Variants in SLC44A1 observed in about 807,000 individuals in gnomAD.
SLC44A1 encodes solute carrier family 44 member 1, also known as choline transporter-like protein 1.
A neutral mutation model predicts 79.3 loss-of-function variants in SLC44A1; 26 were observed. The observed-to-expected ratio is 0.33, with a 90% CI of 0.24 to 0.46. The LOEUF (loss-of-function observed/expected upper bound fraction) is 0.46, where lower values mean the gene tolerates loss of function less well. SLC44A1 is among the 20% of genes least tolerant of loss of function. The pLI is 1.00. For synonymous variants in SLC44A1, 263 were observed against 286.2 expected (o/e 0.92, Z 0.82); for missense variants, 688 against 798.1 (o/e 0.86, Z 1.66).
chr9:105,426,927 T>C (rs1435439282), intron 15 of SLC44A1, among the ~76,000 whole-genome samples: 1 of 146,462 alleles, frequency 6.8e-6, no homozygotes, highest in Non-Finnish European at 1.5e-5. Flanking sequence ...TCTTCTGTTT[T>C]TCCTTTTCCT....
At chr9:105,419,001 G>A (rs530250091) in intron 15 of SLC44A1, among the ~76,000 whole-genome samples, 4 of 152,134 alleles carry the variant, frequency 2.6e-5, no homozygotes, top group Non-Finnish European at 5.9e-5. Flanking sequence ...TAACATCCTG[G>A]AAATGCCAAG....
intron 1 of SLC44A1, among the ~76,000 whole-genome samples, chr9:105,266,652 T>A (rs1350216062): frequency 6.6e-6 from 1 of 152,114 alleles, no homozygotes; most frequent in African/African-American, 2.4e-5. Flanking sequence ...CTGTTTGGTT[T>A]CATCCATTTG....
chr9:105,373,524 A>C lies in SLC44A1; in HGVS notation c.1495-1074A>C, dbSNP rs543420479. 2.6e-5 allele frequency among the ~76,000 whole-genome samples: 4 copies of C among 152,312 alleles called. 1 individual carries two copies. In the East Asian group the frequency reaches 5.8e-4, roughly 22 times the overall value. ...TCAGCTAGAACTCAGTATTTTAAGG[A>C]ACAGAAGGCTCAGCTCAATCTGACC... On this transcript the variant is annotated intron_variant, in intron 12 of 15. Coordinates refer to ENST00000374720, the MANE Select transcript of SLC44A1 (RefSeq NM_080546.5).
In SLC44A1 at chr9:105,430,950, A is replaced by G. The variant is rs545032152; in HGVS notation, c.1951-7331A>G. On this transcript the variant is annotated intron_variant, in intron 15 of 15. Coordinates refer to the SLC44A1 transcript ENST00000374724. ...ACAAGTGTAAGTTTCCATCTTTTTGATTATAGACATCCAGTGAGTGTGAAG... is the reference window on the plus strand; with the variant it reads ...ACAAGTGTAAGTTTCCATCTTTTTGGTTATAGACATCCAGTGAGTGTGAAG... Among the ~76,000 whole-genome samples the G allele has an allele frequency of 6.6e-5, 10 of 152,224 alleles. 1 individual carries two copies. The highest frequency in any genetic ancestry group is 2.2e-4 in the African/African-American group (9 of 41,530).
chr9:105,263,005 C>T (rs1040390418), intron 1 of SLC44A1, among the ~76,000 whole-genome samples: 4 of 152,100 alleles, frequency 2.6e-5, no homozygotes, highest in African/African-American at 4.8e-5. Context: ...ACAAATGTAC[C>T]GAGTGCCTGA....
chr9:105,264,887 C>G (rs868406535), intron 1 of SLC44A1, among the ~76,000 whole-genome samples: 30 of 151,856 alleles, frequency 2.0e-4, no homozygotes, highest in African/African-American at 6.5e-4. Flanking sequence ...ACCTCTACCT[C>G]CTGGGTTCAA....
rs1382076646 is a variant in SLC44A1 at position 105,385,467 on chromosome 9, G to A, written c.1915G>A (p.Gly639Arg). 2 of 1,586,170 alleles carry A rather than the reference G, an allele frequency of 1.3e-6. No individual in the cohort carries two copies. Among genetic ancestry groups the A allele is most frequent in the African/African-American group, 2.7e-5 (2 of 74,846 alleles). Residue 639 changes from glycine to arginine, a missense_variant, in exon 15 of 16, where the codon GGA becomes AGA. Physicochemically the swap from Gly to Arg is moderately radical, Grantham distance 125. Transcript: ENST00000374720. Reference protein sequence around the residue: ...SRKAMKEAGKGGVADSRELKP... With the variant: ...SRKAMKEAGKRGVADSRELKP... ...GAAAGCAATGAAAGAAGCTGGTAAG[G>A]GAGGCGTCGCTGATTCCAGAGAGCT...
intron 15 of SLC44A1, among the ~76,000 whole-genome samples, chr9:105,421,532 C>T (rs1440459238): frequency 3.3e-5 from 5 of 151,588 alleles, no homozygotes; most frequent in East Asian, 3.9e-4. Context: ...AATAGAGCAG[C>T]GACACTCATA....
At chr9:105,363,463 C>A (rs984650561) in intron 9 of SLC44A1, among the ~76,000 whole-genome samples, 18 of 151,934 alleles carry the variant, frequency 1.2e-4, no homozygotes, top group African/African-American at 4.4e-4. Context: ...AGCCACCGCA[C>A]CTGGCCTTTT....
At chr9:105,322,993 C>T (rs1320658337) in intron 3 of SLC44A1, among the ~76,000 whole-genome samples, 2 of 150,634 alleles carry the variant, frequency 1.3e-5, no homozygotes, top group Non-Finnish European at 3.0e-5. Context: ...GAGGTCAAGG[C>T]GGGCGGGTTA....
chr9:105,301,197 G>A (rs1264839191), intron 2 of SLC44A1, among the ~76,000 whole-genome samples: 3 of 152,172 alleles, frequency 2.0e-5, no homozygotes, highest in Non-Finnish European at 4.4e-5. Context: ...CACCCGAGGT[G>A]CTTTGGATTT....
At chr9:105,412,171 A>G (rs1829103499) in intron 15 of SLC44A1, among the ~76,000 whole-genome samples, 1 of 152,212 alleles carries the variant, frequency 6.6e-6, no homozygotes, top group Non-Finnish European at 1.5e-5. Flanking sequence ...ATCAAATAAT[A>G]TATATGTTAA....
downstream of SLC44A1, among the ~76,000 whole-genome samples, chr9:105,399,310 T>C (rs1196522200): frequency 6.6e-6 from 1 of 152,216 alleles, no homozygotes; most frequent in Non-Finnish European, 1.5e-5. Flanking sequence ...ACTGTCAGAC[T>C]AGAGAGGCAA....
At chr9:105,355,586 A>G (rs564605884) in intron 5 of SLC44A1, among the ~76,000 whole-genome samples, 3 of 152,142 alleles carry the variant, frequency 2.0e-5, no homozygotes, top group Admixed American at 6.5e-5. Context: ...AAGCATTTCC[A>G]TATATTAGTA....
chr9:105,267,475 C>T (rs1004237525), intron 1 of SLC44A1, among the ~76,000 whole-genome samples: 6 of 152,132 alleles, frequency 3.9e-5, no homozygotes, highest in Non-Finnish European at 8.8e-5. Context: ...AATTTTCTTA[C>T]CATTTAAAAG....
At chr9:105,298,768 A>G (rs1371338170) in intron 1 of SLC44A1, among the ~76,000 whole-genome samples, 1 of 152,198 alleles carries the variant, frequency 6.6e-6, no homozygotes, top group Non-Finnish European at 1.5e-5. Context: ...GCTAGCATTA[A>G]GAGTGAAGTT....
intron 1 of SLC44A1, among the ~76,000 whole-genome samples, chr9:105,252,563 G>A (rs1406100276): frequency 6.6e-6 from 1 of 152,198 alleles, no homozygotes; most frequent in Non-Finnish European, 1.5e-5. Flanking sequence ...ACTTATAAAG[G>A]TGTAAGTTAC....
intron 3 of SLC44A1, among the ~76,000 whole-genome samples, chr9:105,330,127 C>T (rs189395459): frequency 6.6e-6 from 1 of 152,246 alleles, no homozygotes; most frequent in Admixed American, 6.5e-5. Context: ...TATTTAATTC[C>T]TGTCACGTGA....
chr9:105,265,993 T>C (rs904187890), intron 1 of SLC44A1, among the ~76,000 whole-genome samples: 2 of 152,174 alleles, frequency 1.3e-5, no homozygotes, highest in Non-Finnish European at 2.9e-5. Flanking sequence ...GGTCTAACTC[T>C]GTCACCCAGG....
Sources: allele counts gnomAD v4.1 joint callset (sites outside exome capture counted in the v4.1 genomes callset), GRCh38; gene constraint gnomAD v4.1.1; transcripts MANE v1.5; gene names NCBI Gene and HGNC (gene_info 2026-07-23, HGNC 2026-07-21).